AHCYL2: variants seen among roughly 807,000 people sequenced by gnomAD.
AHCYL2 encodes the protein S-adenosylhomocysteine hydrolase-like protein 2.
Under a neutral mutation model 81.4 loss-of-function variants are expected in AHCYL2, and 28 were observed. That is an observed-to-expected ratio of 0.34 (90% CI 0.25 to 0.47). AHCYL2 has a LOEUF of 0.47. AHCYL2 is among the 20% of genes least tolerant of loss of function. AHCYL2 has a pLI of 1.00. For synonymous variants in AHCYL2, 272 were observed against 290.2 expected, an observed-to-expected ratio of 0.94 and a Z score of 0.64; for missense variants, 551 against 785.1, an observed-to-expected ratio of 0.70 and a Z score of 3.56.
chr7:129,279,642 A>T (rs1180967624), intron 1 of AHCYL2, among the ~76,000 whole-genome samples: 4 of 152,204 alleles, frequency 2.6e-5, no homozygotes, highest in Non-Finnish European at 5.9e-5. Flanking sequence ...TCATAAGCAG[A>T]GCAGCCCTGA....
At chr7:129,242,984 C>G (rs999946782) in intron 1 of AHCYL2, among the ~76,000 whole-genome samples, 1 of 151,200 alleles carries the variant, frequency 6.6e-6, no homozygotes, top group Non-Finnish European at 1.5e-5. Flanking sequence ...TGTTGGGATC[C>G]CAGTGGCGTT....
At position 129,408,332 on chromosome 7, in the gene AHCYL2, A is replaced by G. The variant is rs373845655; in HGVS notation, c.1296-1144A>G. Among the ~76,000 whole-genome samples, 26 of 152,320 alleles carry G rather than the reference A, an allele frequency of 1.7e-4. No individual in the cohort carries two copies. The East Asian group carries it at 3.7e-3, about 21-fold the overall frequency. On this transcript the variant is annotated intron_variant, in intron 10 of 16. Coordinates refer to ENST00000325006, the MANE Select transcript of AHCYL2 (RefSeq NM_015328.4). ...AGACCTAAACTTAAGCAAGGCCAGT[A>G]TGTATTAGAGAAGAGTAGAGAGATG...
chr7:129,237,690 A>G (rs888308311), intron 1 of AHCYL2, among the ~76,000 whole-genome samples: 1 of 152,126 alleles, frequency 6.6e-6, no homozygotes, highest in African/African-American at 2.4e-5. Flanking sequence ...AAGTTAGAAA[A>G]ATGTGATACT....
At chr7:129,305,928 G>A (rs898984283) in intron 1 of AHCYL2, among the ~76,000 whole-genome samples, 4 of 152,124 alleles carry the variant, frequency 2.6e-5, no homozygotes, top group Admixed American at 2.6e-4. Context: ...CTCTCTCCTG[G>A]CCTGTAAGGT....
At chr7:129,252,452 C>T (rs1795276376) in intron 1 of AHCYL2, among the ~76,000 whole-genome samples, 1 of 152,200 alleles carries the variant, frequency 6.6e-6, no homozygotes, top group Admixed American at 6.5e-5. Flanking sequence ...TTGGTATTCT[C>T]TTCTCAGAAT....
intron 1 of AHCYL2, among the ~76,000 whole-genome samples, chr7:129,364,018 G>A (rs933391993): frequency 6.6e-6 from 1 of 151,900 alleles, no homozygotes; most frequent in African/African-American, 2.4e-5. Context: ...ATCACTTGAG[G>A]TGAACTCCTG....
intron 1 of AHCYL2, among the ~76,000 whole-genome samples, chr7:129,339,824 C>T (rs1394075786): frequency 6.6e-6 from 1 of 152,018 alleles, no homozygotes; most frequent in East Asian, 1.9e-4. Flanking sequence ...GCCACCTCGC[C>T]TGGCCACTAA....
intron 1 of AHCYL2, among the ~76,000 whole-genome samples, chr7:129,347,367 G>A (rs1040659337): frequency 4.6e-5 from 7 of 152,168 alleles, no homozygotes; most frequent in Non-Finnish European, 4.4e-5. Flanking sequence ...GACAGTGGGG[G>A]AAACTATGTC....
At chr7:129,329,103 A>C (rs1332829013) in intron 1 of AHCYL2, among the ~76,000 whole-genome samples, 2 of 152,220 alleles carry the variant, frequency 1.3e-5, no homozygotes, top group African/African-American at 4.8e-5. Flanking sequence ...AATGCAGTAA[A>C]AGAATTACAA....
intron 1 of AHCYL2, among the ~76,000 whole-genome samples, chr7:129,258,401 T>C (rs1471803066): frequency 6.6e-6 from 1 of 152,132 alleles, no homozygotes; most frequent in Non-Finnish European, 1.5e-5. Context: ...TCTTAGAAGA[T>C]AATACTTAGT....
At chr7:129,242,533 T>C (rs563157759) in intron 1 of AHCYL2, among the ~76,000 whole-genome samples, 1 of 152,032 alleles carries the variant, frequency 6.6e-6, no homozygotes, top group East Asian at 1.9e-4. Flanking sequence ...CTGGCCAATA[T>C]AGTGAAACCC....
intron 1 of AHCYL2, among the ~76,000 whole-genome samples, chr7:129,297,011 T>C (rs946994728): frequency 2.6e-5 from 4 of 152,212 alleles, no homozygotes; most frequent in African/African-American, 9.6e-5. Context: ...TTATATTCTT[T>C]TTGAGATTTA....
At chr7:129,356,912 T>G (rs1016246726) in intron 1 of AHCYL2, among the ~76,000 whole-genome samples, 1 of 152,242 alleles carries the variant, frequency 6.6e-6, no homozygotes. Context: ...GGTCTTGGCT[T>G]CTTTATCCTT....
At chr7:129,376,065 C>A in intron 1 of AHCYL2, 1 of 1,061,684 alleles carries the variant, frequency 9.4e-7, no homozygotes, top group Non-Finnish European at 1.3e-6. Flanking sequence ...CCTCTTTTAA[C>A]AGTCTCTTTC....
intron 1 of AHCYL2, among the ~76,000 whole-genome samples, chr7:129,235,184 C>T (rs1459137293): frequency 6.6e-6 from 1 of 152,102 alleles, no homozygotes; most frequent in East Asian, 1.9e-4. Context: ...ACACTCTTTT[C>T]CCTTGGCTTC....
chr7:129,321,531 C>T (rs1412510612), intron 1 of AHCYL2, among the ~76,000 whole-genome samples: 1 of 152,034 alleles, frequency 6.6e-6, no homozygotes, highest in Non-Finnish European at 1.5e-5. Context: ...TGATATTATT[C>T]TTTTCATATA....
chr7:129,313,411 C>T (rs1797727250), intron 1 of AHCYL2, among the ~76,000 whole-genome samples: 1 of 152,178 alleles, frequency 6.6e-6, no homozygotes, highest in Non-Finnish European at 1.5e-5. Context: ...GTTGGAGGCT[C>T]AGTGTTCTGG....
intron 1 of AHCYL2, among the ~76,000 whole-genome samples, chr7:129,340,718 A>G (rs1359695577): frequency 6.6e-6 from 1 of 151,680 alleles, no homozygotes; most frequent in Admixed American, 6.6e-5. Context: ...GAGTTTTTTA[A>G]AAATTATGAA....
rs1031143955 is a variant in AHCYL2 at position 129,253,690 on chromosome 7, C to T, written c.363+28251C>T. On this transcript the variant is annotated intron_variant, in intron 1 of 16. Coordinates refer to ENST00000325006, the MANE Select transcript of AHCYL2 (RefSeq NM_015328.4). ...GCAGTGGTTCAGACACAGCTCACTA[C>T]AGCTTCGACCTTCTGGGCCCAAGTG... Among the ~76,000 whole-genome samples, 11 of 152,312 alleles carry T rather than the reference C, an allele frequency of 7.2e-5. No homozygotes were observed. In the South Asian group the frequency reaches 1.0e-3, roughly 14 times the overall value.
Sources: gnomAD v4.1 joint callset for allele counts (sites outside exome capture counted in the v4.1 genomes callset) on GRCh38, gnomAD v4.1.1 for gene constraint, MANE v1.5 for transcripts, NCBI Gene and HGNC (gene_info 2026-07-23, HGNC 2026-07-21) for gene names.